Variants in TANK observed in about 807,000 individuals in gnomAD.
TANK encodes TRAF family member-associated NF-kappa-B activator.
A neutral mutation model predicts 43.6 loss-of-function variants in TANK; 15 were observed. The observed-to-expected ratio is 0.34, with a 90% CI of 0.23 to 0.53. The LOEUF is 0.53. Among genes scored for constraint, TANK ranks in the 20% least tolerant of loss-of-function variants. TANK has a pLI of 0.94. For synonymous variants in TANK, 162 were observed against 178.2 expected (o/e 0.91, Z 0.73); for missense variants, 417 against 498.6 (o/e 0.84, Z 1.56).
chr2:161,156,223 G>A (rs369124843), upstream of TANK: 6 of 985,226 alleles, frequency 6.1e-6, no homozygotes, highest in East Asian at 4.5e-4. Flanking sequence ...GTCATATTTT[G>A]GAAGAGTTTT....
chr2:161,147,062 G>A (rs1293223268), intron 1 of TANK, among the ~76,000 whole-genome samples: 1 of 152,146 alleles, frequency 6.6e-6, no homozygotes, highest in East Asian at 1.9e-4. Flanking sequence ...GCCCAATAAG[G>A]AGGGATGAGT....
At chr2:161,170,808 C>G (rs73971173) in intron 1 of TANK, among the ~76,000 whole-genome samples, 8,109 of 152,218 alleles carry the variant, frequency 0.053, 688 homozygotes, top group African/African-American at 0.18. Context: ...CTTGTTTACT[C>G]TCACCCATCA....
intron 4 of TANK, among the ~76,000 whole-genome samples, chr2:161,211,374 C>T (rs954400901): frequency 1.1e-4 from 16 of 152,200 alleles, no homozygotes; most frequent in Non-Finnish European, 2.9e-5. Flanking sequence ...CTTCTCTCAA[C>T]ACTCCAGACA....
chr2:161,186,866 A>G (rs1210869706), intron 2 of TANK, among the ~76,000 whole-genome samples: 1 of 152,256 alleles, frequency 6.6e-6, no homozygotes, highest in Non-Finnish European at 1.5e-5. Context: ...AGATCTGAAT[A>G]GACATTTCTC....
At chr2:161,172,113 A>G (rs1183300019) in intron 1 of TANK, among the ~76,000 whole-genome samples, 6 of 152,210 alleles carry the variant, frequency 3.9e-5, no homozygotes, top group Non-Finnish European at 8.8e-5. Context: ...ATTAGATAAC[A>G]TTTCTACATA....
intron 3 of TANK, 141 bp downstream of exon 3, chr2:161,203,736 T>C: frequency 1.8e-6 from 1 of 569,414 alleles, no homozygotes; most frequent in Non-Finnish European, 3.1e-6. Flanking sequence ...ATGTTATGTT[T>C]ATTTAAATGA....
At chr2:161,208,646 A>G (rs1686751458) in intron 4 of TANK, among the ~76,000 whole-genome samples, 1 of 152,078 alleles carries the variant, frequency 6.6e-6, no homozygotes, top group South Asian at 2.1e-4. Context: ...GGATGTGGAC[A>G]AGGACTGCAG....
intron 2 of TANK, among the ~76,000 whole-genome samples, chr2:161,190,233 C>G (rs975946784): frequency 6.6e-6 from 1 of 152,146 alleles, no homozygotes; most frequent in Non-Finnish European, 1.5e-5. Flanking sequence ...CATCCCTATT[C>G]ATTAGTAAAA....
At chr2:161,166,377 T>G (rs549398534) in intron 1 of TANK, among the ~76,000 whole-genome samples, 1 of 152,242 alleles carries the variant, frequency 6.6e-6, no homozygotes, top group Non-Finnish European at 1.5e-5. Flanking sequence ...CTGCTTGTGT[T>G]ATATAACTCC....
chr2:161,187,928 CA>C (rs1165579588), intron 2 of TANK, among the ~76,000 whole-genome samples: 1 of 152,032 alleles, frequency 6.6e-6, no homozygotes, highest in Non-Finnish European at 1.5e-5. Context: ...CAACTATGTA[CA>C]AATTAAATAA....
chr2:161,224,899 A>G (rs913560628), intron 6 of TANK, among the ~76,000 whole-genome samples, 153 bp downstream of exon 6: 1 of 152,078 alleles, frequency 6.6e-6, no homozygotes, highest in Non-Finnish European at 1.5e-5. Flanking sequence ...ATGCTGTGTA[A>G]GTTCTGTAAT....
At chr2:161,215,852 T>A (rs766431786) in intron 4 of TANK, among the ~76,000 whole-genome samples, 10 of 152,186 alleles carry the variant, frequency 6.6e-5, no homozygotes, top group Admixed American at 4.6e-4. Context: ...GAAAGCTGAT[T>A]TATTTCCTGA....
intron 4 of TANK, chr2:161,208,230 A>C (rs1044779815): frequency 1.7e-5 from 17 of 985,204 alleles, no homozygotes; most frequent in Non-Finnish European, 1.9e-5. Flanking sequence ...GGCAAGAGGG[A>C]TATTTGAAGG....
At chr2:161,193,004 T>G (rs940851184) in intron 2 of TANK, among the ~76,000 whole-genome samples, 17 of 152,234 alleles carry the variant, frequency 1.1e-4, no homozygotes, top group Non-Finnish European at 2.5e-4. Context: ...GGATGAATCC[T>G]TACTTTGTGA....
At chr2:161,164,631 A>G (rs1254616205) in intron 1 of TANK, among the ~76,000 whole-genome samples, 1 of 152,180 alleles carries the variant, frequency 6.6e-6, no homozygotes. Context: ...GTTGAGGGTA[A>G]CTGGTACCAA....
chr2:161,180,679 C>T (rs1685378280), intron 2 of TANK, among the ~76,000 whole-genome samples: 1 of 151,942 alleles, frequency 6.6e-6, no homozygotes, highest in African/African-American at 2.4e-5. Context: ...TCTGTGATTC[C>T]CCAGAAGGAT....
At chr2:161,178,025 G>A (rs11684253) in intron 1 of TANK, among the ~76,000 whole-genome samples, 13 of 151,796 alleles carry the variant, frequency 8.6e-5, no homozygotes, top group African/African-American at 3.1e-4. Context: ...AGAAGTATTG[G>A]TGTGGATGTG....
chr2:161,204,215 A>G (rs937115579), intron 3 of TANK, among the ~76,000 whole-genome samples: 15 of 152,230 alleles, frequency 9.9e-5, no homozygotes, highest in Admixed American at 2.0e-4. Context: ...GAATATATAA[A>G]CCAAAATATT....
intron 1 of TANK, among the ~76,000 whole-genome samples, chr2:161,165,813 A>G (rs1422565697): frequency 6.6e-6 from 1 of 152,156 alleles, no homozygotes; most frequent in Non-Finnish European, 1.5e-5. Flanking sequence ...AGGAGAGGAT[A>G]CCCCTTAAAG....
Sources: allele counts gnomAD v4.1 joint callset (sites outside exome capture counted in the v4.1 genomes callset), GRCh38; gene constraint gnomAD v4.1.1; transcripts MANE v1.5; gene names NCBI Gene and HGNC (gene_info 2026-07-23, HGNC 2026-07-21).